Variants in AKT2 observed in about 807,000 individuals in gnomAD.
The protein encoded by AKT2 is RAC-beta serine/threonine-protein kinase.
In AKT2, 16 loss-of-function variants were observed where a neutral mutation model predicts 58.6. The ratio of observed to expected loss-of-function variants is 0.27; its 90% CI spans 0.18 to 0.41. The LOEUF (loss-of-function observed/expected upper bound fraction) is 0.41. Among genes scored for constraint, AKT2 ranks in the 10% least tolerant of loss-of-function variants. AKT2 has a pLI of 1.00. For missense variants in AKT2, 438 were observed against 661.0 expected (o/e 0.66, Z 3.70); for synonymous variants, 253 against 254.0 (o/e 1.00, Z 0.04).
At chr19:40,281,872 T>G (rs2077430084) in intron 1 of AKT2, among the ~76,000 whole-genome samples, 1 of 152,228 alleles carries the variant, frequency 6.6e-6, no homozygotes, top group South Asian at 2.1e-4. Flanking sequence ...CAGTTATGAA[T>G]GCTTCCCACA....
At chr19:40,241,007 C>G (rs987035767) in intron 6 of AKT2, 1 of 152,510 alleles carries the variant, frequency 6.6e-6, no homozygotes, top group African/African-American at 2.4e-5. Flanking sequence ...AGGCTGGTCT[C>G]GAACTCCTGG....
Position 40,230,645 on chromosome 19 carries a change from G to A in AKT2, c.*3227C>T, listed in dbSNP as rs1973654637. On this transcript the variant is annotated 3_prime_UTR_variant, in exon 14 of 14. Transcript: ENST00000392038. ...ATCAGCACCAAAATGAGTACTCAAGGCCCTGCGACCTCGGGTGAATTTCCT... is the reference window on the plus strand; with the variant it reads ...ATCAGCACCAAAATGAGTACTCAAGACCCTGCGACCTCGGGTGAATTTCCT... The A allele has an allele frequency of 4.4e-6, 1 of 225,466 alleles. No individual in the cohort carries two copies. The highest frequency in any genetic ancestry group is 1.8e-4 in the South Asian group (1 of 5,460). The allele number at this position is 225,466 out of a possible 1,614,324, so 14.0% of individuals were successfully genotyped here. A position where few individuals can be genotyped will look rare whatever the true frequency, so the allele number is the denominator to read the frequency against.
At chr19:40,281,056 A>T (rs908156150) in intron 1 of AKT2, among the ~76,000 whole-genome samples, 1 of 152,184 alleles carries the variant, frequency 6.6e-6, no homozygotes, top group Non-Finnish European at 1.5e-5. Flanking sequence ...CCTCGGCTCC[A>T]CAATACCCTT....
At position 40,235,962 on chromosome 19, in the gene AKT2, C is replaced by T. The variant is rs768703735; in HGVS notation, c.1103G>A (p.Arg368His). The stretch of plus-strand genomic sequence containing the variant: ...CTCGGGGCTGAGCGTGCGCGGGAAG[C>T]GGATCTCTTCCATGAGGATGAGCTC... The part of the protein sequence containing the change: ...LFELILMEEI[R>H]FPRTLSPEAK... The change falls in exon 11 of 14, where the codon CGC (arginine) becomes CAC (histidine). Residue 368 changes from arginine to histidine, a missense_variant. Coordinates refer to ENST00000392038, the MANE Select transcript of AKT2 (RefSeq NM_001626.6). The surrounding 1 kb of genome is among the most constrained non-coding windows in gnomAD (Gnocchi z 6.3). 3 of 1,613,980 alleles carry T rather than the reference C, an allele frequency of 1.9e-6. No individual in the cohort carries two copies. The highest frequency in any genetic ancestry group is 2.2e-5 in the South Asian group (2 of 91,080).
At position 40,238,797 on chromosome 19, in the gene AKT2, C is replaced by T; in HGVS notation, c.708+108G>A. 2 of 1,199,712 alleles carry T rather than the reference C, an allele frequency of 1.7e-6. No individual in the cohort carries two copies. The highest frequency in any genetic ancestry group is 2.5e-6 in the Non-Finnish European group (2 of 805,856). The allele number at this position is 1,199,712 out of a possible 1,614,324, so 74.3% of individuals were successfully genotyped here. On this transcript the variant is annotated intron_variant, in intron 8 of 13. Transcript: ENST00000392038. The surrounding 1 kb of genome is among the most constrained non-coding windows in gnomAD (Gnocchi z 5.1). ...CTCAAGGGAGAGGGGCACTAGATGA[C>T]ACTGAAATTTCCCTCCACCCTTCCA...
At chr19:40,248,845 C>G (rs530312283) in intron 4 of AKT2, among the ~76,000 whole-genome samples, 87 of 86,388 alleles carry the variant, frequency 1.0e-3, no homozygotes, top group East Asian at 1.3e-3. Context: ...GAGAGGAGTG[C>G]AGGAGATGAG....
At chr19:40,277,267 C>G (rs952911066) in intron 1 of AKT2, among the ~76,000 whole-genome samples, 1 of 152,140 alleles carries the variant, frequency 6.6e-6, no homozygotes, top group South Asian at 2.1e-4. Flanking sequence ...TTCCAACATG[C>G]CCCTACTAAC....
At position 40,285,197 on chromosome 19, in the gene AKT2, C is replaced by A. The variant is rs1226462069; in HGVS notation, c.-101G>T. 2.5e-6 allele frequency: 1 copy of A among 394,796 alleles called. No homozygotes were observed. The allele number at this position is 394,796 out of a possible 1,614,324, so 24.5% of individuals were successfully genotyped here. On this transcript the variant is annotated 5_prime_UTR_variant, in exon 1 of 14. Transcript: ENST00000392038. ...CGCACTCACCTGTCACCGGCAGCCG[C>A]CCAGCCTCTCCGGCGGGGCTCTACC...
intron 4 of AKT2, among the ~76,000 whole-genome samples, chr19:40,252,728 T>C (rs1352153830): frequency 6.6e-6 from 1 of 152,220 alleles, no homozygotes; most frequent in South Asian, 2.1e-4. Context: ...CTGGAATGCA[T>C]GAGCTATTTC....
In AKT2 at chr19:40,257,070, AAGGG is replaced by A. The variant is rs767029983; in HGVS notation, c.47-20_47-17del. 7 of 1,613,768 alleles carry A rather than the reference AAGGG, an allele frequency of 4.3e-6. 1 individual carries two copies. In the South Asian group the frequency reaches 6.6e-5, roughly 15 times the overall value. Reference sequence around the variant, plus strand: ...ATGTATTCACCTGAAATGAGGCAGGAAGGGAGGGAGAGAGGTTAGGACAAGGTTG... The same window carrying A: ...ATGTATTCACCTGAAATGAGGCAGGAAGGGAGAGAGGTTAGGACAAGGTTG... On this transcript the variant is annotated splice_polypyrimidine_tract_variant and intron_variant, in intron 2 of 13. Coordinates refer to ENST00000392038, the MANE Select transcript of AKT2 (RefSeq NM_001626.6).
intron 1 of AKT2, chr19:40,282,772 G>A (rs867106968): frequency 6.3e-6 from 2 of 319,680 alleles, no homozygotes. Context: ...CTTCAATTTC[G>A]GACTCTGCAA....
At position 40,235,176 on chromosome 19, in the gene AKT2, G is replaced by C; in HGVS notation, c.1264-29C>G. 1 of 1,613,730 alleles carries C rather than the reference G, an allele frequency of 6.2e-7. No homozygotes were observed. Among genetic ancestry groups the C allele is most frequent in the Non-Finnish European group, 8.5e-7 (1 of 1,179,634 alleles). On this transcript the variant is annotated intron_variant, in intron 12 of 13. Transcript: ENST00000392038. The surrounding 1 kb of genome is among the most constrained non-coding windows in gnomAD (Gnocchi z 6.3). ...CGGAGGAGAGGAGCTCAGGCTCAGG[G>C]ACCCTGAGGCCAGGAGGCCTCAACC...
chr19:40,277,525 G>C (rs941646323), intron 1 of AKT2, among the ~76,000 whole-genome samples: 2 of 152,052 alleles, frequency 1.3e-5, no homozygotes, highest in Non-Finnish European at 2.9e-5. Flanking sequence ...TAAAGCCCTG[G>C]ATCCCCATCA....
At chr19:40,273,675 TCTC>T (rs1568570213) in intron 1 of AKT2, 1 of 151,930 alleles carries the variant, frequency 6.6e-6, no homozygotes, top group Non-Finnish European at 1.5e-5. Flanking sequence ...GCAGATTCCT[TCTC>T]CTCCCTGCCA....
rs767578258 is a variant in AKT2, at chr19:40,235,366, C to T, written c.1176-16G>A. ...CCCACCAAGCCTGTGCAGAGACGGC[C>T]GTCAGCACCTGCCTCCCGGAGCAGC... On this transcript the variant is annotated splice_polypyrimidine_tract_variant and intron_variant, in intron 11 of 13. Coordinates refer to ENST00000392038, the MANE Select transcript of AKT2 (RefSeq NM_001626.6). This position sits in a 1 kb window ranked among gnomAD's most constrained non-coding sequence, Gnocchi z 6.3. The T allele has an allele frequency of 9.3e-6, 15 of 1,613,168 alleles. No homozygotes were observed. Among genetic ancestry groups the T allele is most frequent in the South Asian group, 5.5e-5 (5 of 91,078 alleles).
intron 2 of AKT2, among the ~76,000 whole-genome samples, chr19:40,263,597 A>G (rs963508382): frequency 2.6e-5 from 4 of 152,340 alleles, no homozygotes; most frequent in African/African-American, 9.6e-5. Flanking sequence ...CTCCAGGCTC[A>G]GGCTGGGGGA....
chr19:40,257,463 G>A (rs979260953), intron 2 of AKT2, among the ~76,000 whole-genome samples: 2 of 152,188 alleles, frequency 1.3e-5, no homozygotes, highest in Non-Finnish European at 2.9e-5. Context: ...AGCTGTGCAG[G>A]TAGCTCCAAT....
At chr19:40,285,098 G>C (rs1449629913) in intron 1 of AKT2, 83 bp downstream of exon 1, 1 of 389,826 alleles carries the variant, frequency 2.6e-6, no homozygotes, top group Non-Finnish European at 4.5e-6. Context: ...GGCACGGGTG[G>C]TACAGCCCAT....
Position 40,238,234 on chromosome 19 carries a change from G to A in AKT2, c.709-143C>T. 8.5e-7 allele frequency: 1 copy of A among 1,175,172 alleles called. No individual in the cohort carries two copies. Among genetic ancestry groups the A allele is most frequent in the Non-Finnish European group, 1.2e-6 (1 of 832,314 alleles). 72.8% of individuals were successfully genotyped at this position (1,175,172 alleles called of 1,614,324 possible). Reference sequence around the variant, plus strand: ...AGTGACAGCTAGAGGGACCAATCAAGGCAGAGCGCAGAAGCTCATAAGTGA... The same window carrying A: ...AGTGACAGCTAGAGGGACCAATCAAAGCAGAGCGCAGAAGCTCATAAGTGA... On this transcript the variant is annotated intron_variant, in intron 8 of 13. Transcript: ENST00000392038. This position sits in a 1 kb window ranked among gnomAD's most constrained non-coding sequence, Gnocchi z 5.1.
Sources: gnomAD v4.1 joint callset for allele counts (sites outside exome capture counted in the v4.1 genomes callset) on GRCh38, gnomAD v4.1.1 for gene constraint, Gnocchi (gnomAD v3.1) non-coding constraint, MANE v1.5 for transcripts, NCBI Gene and HGNC (gene_info 2026-07-23, HGNC 2026-07-21) for gene names.